PIK3CA: variants seen among roughly 807,000 people sequenced by gnomAD.
PIK3CA encodes phosphatidylinositol-4,5-bisphosphate 3-kinase catalytic subunit alpha.
In PIK3CA, 27 loss-of-function variants were observed where a neutral mutation model predicts 138.2. That is an observed-to-expected ratio of 0.20 (90% CI 0.14 to 0.27). The LOEUF is 0.27. PIK3CA is among the 10% of genes least tolerant of loss of function. The pLI, the probability that PIK3CA is intolerant of heterozygous loss-of-function variation, is 1.00. For missense variants in PIK3CA, 544 were observed against 1,277.4 expected (o/e 0.43, Z 8.75); for synonymous variants, 358 against 413.2 (o/e 0.87, Z 1.62).
chr3:179,185,123 T>C (rs1264072730), intron 1 of PIK3CA, among the ~76,000 whole-genome samples: 1 of 152,154 alleles, frequency 6.6e-6, no homozygotes, highest in Non-Finnish European at 1.5e-5. Flanking sequence ...AAGAAAGTTG[T>C]TGAGGTGTTC....
chr3:179,210,594 A>G (rs192054511), intron 9 of PIK3CA, 29 bp downstream of exon 9: 61 of 1,602,512 alleles, frequency 3.8e-5, no homozygotes, highest in Non-Finnish European at 5.1e-5. Flanking sequence ...TTTATTAAGT[A>G]TCAATTATAA....
intron 1 of PIK3CA, among the ~76,000 whole-genome samples, chr3:179,178,480 A>C (rs1723759421): frequency 6.6e-6 from 1 of 152,146 alleles, no homozygotes; most frequent in Admixed American, 6.5e-5. Flanking sequence ...TGAGATACCC[A>C]CTAGAATAGC....
chr3:179,205,553 A>G (rs1724538679), intron 6 of PIK3CA, among the ~76,000 whole-genome samples: 1 of 152,204 alleles, frequency 6.6e-6, no homozygotes, highest in Non-Finnish European at 1.5e-5. Context: ...TTTCCTTCAA[A>G]TCACTCCCAA....
At chr3:179,218,534 T>C (rs577898330) in intron 10 of PIK3CA, among the ~76,000 whole-genome samples, 200 bp downstream of exon 10, 6 of 152,184 alleles carry the variant, frequency 3.9e-5, no homozygotes, top group African/African-American at 1.4e-4. Flanking sequence ...ACTACATTGG[T>C]AGTTGGCACA....
At position 179,235,291 on chromosome 3, in the gene PIK3CA, AT is replaced by A. The variant is rs993383105; in HGVS notation, c.*935del. 133 of 178,526 alleles carry A rather than the reference AT, an allele frequency of 7.4e-4. 2 individuals carry two copies. The highest frequency in any genetic ancestry group is 6.1e-4 in the African/African-American group (26 of 42,334). The allele number at this position is 178,526 out of a possible 1,614,324, so 11.1% of individuals were successfully genotyped here. On this transcript the variant is annotated 3_prime_UTR_variant, in exon 21 of 21. Coordinates refer to ENST00000263967, the MANE Select transcript of PIK3CA (RefSeq NM_006218.4). ...AAGTATTAATGTTATTAAAAAGATT[AT>A]TTTTTTTATTAAAGGCTATTTATAT...
At chr3:179,202,938 T>TG (rs1491161059) in intron 4 of PIK3CA, among the ~76,000 whole-genome samples, 4 of 135,974 alleles carry the variant, frequency 2.9e-5, no homozygotes, top group Non-Finnish European at 6.4e-5. Flanking sequence ...CTGTGATCCT[T>TG]GTTTTTTTTT....
intron 1 of PIK3CA, among the ~76,000 whole-genome samples, chr3:179,149,882 A>G (rs1290135015): frequency 6.6e-6 from 1 of 152,228 alleles, no homozygotes; most frequent in East Asian, 1.9e-4. Flanking sequence ...GCGTGTTTTA[A>G]GAAAACTTCT....
intron 9 of PIK3CA, among the ~76,000 whole-genome samples, chr3:179,214,843 C>A (rs754309753): frequency 6.6e-5 from 10 of 152,022 alleles, no homozygotes; most frequent in Non-Finnish European, 1.3e-4. Context: ...CAGGAAAGAG[C>A]GTATGTAAGA....
At position 179,227,170 on chromosome 3, in the gene PIK3CA, A is replaced by T. The variant is rs112168200; in HGVS notation, c.2495+1130A>T. Among the ~76,000 whole-genome samples the T allele has an allele frequency of 1.3e-3, 203 of 152,218 alleles. 3 individuals carry two copies. Among genetic ancestry groups the T allele is most frequent in the African/African-American group, 4.4e-3 (185 of 41,578 alleles). ...GTCTTGTATTTTCTGAATATTTTTT[A>T]ACTTAAGTAAATATAAGTAAAAATT... On this transcript the variant is annotated intron_variant, in intron 17 of 20. Coordinates refer to ENST00000263967, the MANE Select transcript of PIK3CA (RefSeq NM_006218.4).
At chr3:179,214,164 T>C (rs1724785600) in intron 9 of PIK3CA, among the ~76,000 whole-genome samples, 2 of 151,692 alleles carry the variant, frequency 1.3e-5, no homozygotes, top group South Asian at 4.1e-4. Flanking sequence ...AGTAGCACTT[T>C]TAATTTTCTT....
At position 179,238,023 on chromosome 3, in the gene PIK3CA, C is replaced by T; in HGVS notation, c.*3659C>T. 1 of 220,288 alleles carries T rather than the reference C, an allele frequency of 4.5e-6. No individual in the cohort carries two copies. 13.6% of individuals were successfully genotyped at this position (220,288 alleles called of 1,614,324 possible). On this transcript the variant is annotated 3_prime_UTR_variant, in exon 21 of 21. Coordinates refer to ENST00000263967, the MANE Select transcript of PIK3CA (RefSeq NM_006218.4). ...TGGTGCTTTTACTATTTAAAGACAA[C>T]TTTCATACTTCAGATGTTTTTGAGA...
chr3:179,212,561 G>A lies in PIK3CA; in HGVS notation c.1539+1996G>A, dbSNP rs140353995. 7.6e-3 allele frequency among the ~76,000 whole-genome samples: 1,155 copies of A among 151,900 alleles called. 17 individuals are homozygous for A. Among genetic ancestry groups the A allele is most frequent in the African/African-American group, 0.026 (1,067 of 41,488 alleles). On this transcript the variant is annotated intron_variant, in intron 9 of 20. Coordinates refer to ENST00000263967, the MANE Select transcript of PIK3CA (RefSeq NM_006218.4). ...GGAGGTTGCAGTGAGCCGAGATTGC[G>A]CCGCTGCACTCCAGCCTGGGCAACA...
At chr3:179,176,611 A>G (rs1413960159) in intron 1 of PIK3CA, among the ~76,000 whole-genome samples, 1 of 152,174 alleles carries the variant, frequency 6.6e-6, no homozygotes, top group Non-Finnish European at 1.5e-5. Flanking sequence ...ACTTTGCTAC[A>G]TCTTGGAGAT....
At chr3:179,155,553 TA>T (rs1723113967) in intron 1 of PIK3CA, among the ~76,000 whole-genome samples, 1 of 152,164 alleles carries the variant, frequency 6.6e-6, no homozygotes, top group African/African-American at 2.4e-5. Context: ...CATTATTCCC[TA>T]AACAAAACAG....
rs1723721509 is a variant in PIK3CA at position 179,177,310 on chromosome 3, T to C, written c.-76-21440T>C. 2.6e-5 allele frequency among the ~76,000 whole-genome samples: 3 copies of C among 115,406 alleles called. No individual in the cohort carries two copies. The Admixed American group carries it at 3.8e-4, about 14-fold the overall frequency. The allele number at this position is 115,406 out of a possible 152,430, so 75.7% of individuals were successfully genotyped here. A position where few individuals can be genotyped will look rare whatever the true frequency, so the allele number is the denominator to read the frequency against. On this transcript the variant is annotated intron_variant, in intron 1 of 20. Coordinates refer to ENST00000263967, the MANE Select transcript of PIK3CA (RefSeq NM_006218.4). ...GGTATTATAGCATTAATATTCTCTT[T>C]TCTTTTTTTTTTTTTTTTTTGAGAT...
At chr3:179,213,425 G>T (rs1220070656) in intron 9 of PIK3CA, among the ~76,000 whole-genome samples, 1 of 152,214 alleles carries the variant, frequency 6.6e-6, no homozygotes, top group Non-Finnish European at 1.5e-5. Flanking sequence ...TGATGATCAT[G>T]CAAGGCTTCA....
intron 1 of PIK3CA, among the ~76,000 whole-genome samples, chr3:179,187,077 A>G (rs971075322): frequency 1.3e-5 from 2 of 151,922 alleles, no homozygotes; most frequent in African/African-American, 4.8e-5. Flanking sequence ...CCTCTATATG[A>G]TAACCAAATT....
chr3:179,168,911 G>GT (rs1196899441), intron 1 of PIK3CA, among the ~76,000 whole-genome samples: 3 of 149,328 alleles, frequency 2.0e-5, no homozygotes, highest in East Asian at 2.0e-4. Flanking sequence ...TAATTTCTGG[G>GT]TTTTTTTTCC....
intron 9 of PIK3CA, among the ~76,000 whole-genome samples, chr3:179,217,943 G>A (rs1724873966): frequency 6.6e-6 from 1 of 151,918 alleles, no homozygotes; most frequent in Admixed American, 6.6e-5. Context: ...TCTTGTTGTT[G>A]GCTAACTTCA....
Sources: gnomAD v4.1 joint callset for allele counts (sites outside exome capture counted in the v4.1 genomes callset) on GRCh38, gnomAD v4.1.1 for gene constraint, MANE v1.5 for transcripts, NCBI Gene and HGNC (gene_info 2026-07-23, HGNC 2026-07-21) for gene names.